Variants in TACC2 observed in about 807,000 individuals in gnomAD.
TACC2 encodes transforming acidic coiled-coil containing protein 2, also known as transforming acidic coiled-coil-containing protein 2.
TACC2 carries 137 observed loss-of-function variants against 227.3 expected under a neutral mutation model. That is an observed-to-expected ratio of 0.60 (90% CI 0.52 to 0.69). TACC2 has a LOEUF of 0.69. Among genes scored for constraint, TACC2 ranks in the 30% least tolerant of loss-of-function variants. The probability of loss-of-function intolerance (pLI) is 0.00; values close to 1 mark genes in which losing one functional copy is unlikely to be tolerated. For synonymous variants in TACC2, 1,523 were observed against 1,487.5 expected, an observed-to-expected ratio of 1.02 and a Z score of -0.55; for missense variants, 3,470 against 3,694.4, an observed-to-expected ratio of 0.94 and a Z score of 1.57.
At chr10:122,223,863 A>G (rs2095570504) in intron 11 of TACC2, among the ~76,000 whole-genome samples, 1 of 152,312 alleles carries the variant, frequency 6.6e-6, no homozygotes, top group Non-Finnish European at 1.5e-5. Context: ...TTTTAAGTAG[A>G]AAAGAGGTAT....
chr10:122,045,304 G>A (rs111748813), intron 2 of TACC2, among the ~76,000 whole-genome samples: 1,596 of 152,280 alleles, frequency 0.01, 31 homozygotes, highest in African/African-American at 0.036. Flanking sequence ...AATGGCAGAG[G>A]CCATAGAGCA....
At chr10:122,045,784 TG>T (rs1202210811) in intron 2 of TACC2, among the ~76,000 whole-genome samples, 14 of 152,246 alleles carry the variant, frequency 9.2e-5, no homozygotes, top group African/African-American at 2.9e-4. Context: ...AAGTGCAATG[TG>T]CCATTCATAC....
chr10:122,087,564 G>T lies in TACC2; in HGVS notation c.5064G>T (p.Val1688=). 1 of 1,613,788 alleles carries T rather than the reference G, an allele frequency of 6.2e-7. No homozygotes were observed. The highest frequency in any genetic ancestry group is 1.3e-5 in the African/African-American group (1 of 75,068). Residue 1688 remains valine (V), a synonymous_variant, in exon 4 of 23, where the codon GTG becomes GTT. Coordinates refer to ENST00000369005, the MANE Select transcript of TACC2 (RefSeq NM_206862.4). The stretch of plus-strand genomic sequence containing the variant: ...CCCCTGCACCACCAACTGGAGAAGT[G>T]GCAGACACTCCCCTGGAGCCTGGCA... ...QSTPAPPTGE[V]ADTPLEPGKV...
At chr10:122,089,285 G>A (rs981289484) in intron 5 of TACC2, among the ~76,000 whole-genome samples, 1 of 151,844 alleles carries the variant, frequency 6.6e-6, no homozygotes, top group Admixed American at 6.6e-5. Context: ...TCATACCCCA[G>A]CCCCCACACC....
chr10:122,088,559 A>C lies in TACC2; in HGVS notation c.5541A>C (p.Ser1847=). 1 of 1,613,750 alleles carries C rather than the reference A, an allele frequency of 6.2e-7. No homozygotes were observed. Among genetic ancestry groups the C allele is most frequent in the Non-Finnish European group, 8.5e-7 (1 of 1,179,880 alleles). Residue 1847 remains serine (S), a synonymous_variant, in exon 5 of 23, where the codon TCA becomes TCC. Transcript: ENST00000369005. ...CAAGAGTCATGGATAAAGTCACTTC[A>C]GATGAGACCAGAGGTGCGGAAGGAA... ...DAPRVMDKVT[S]DETRGAEGTE...
chr10:122,123,809 A>ATTT (rs55702616), intron 5 of TACC2, among the ~76,000 whole-genome samples: 5 of 98,538 alleles, frequency 5.1e-5, no homozygotes, highest in African/African-American at 1.1e-4. Flanking sequence ...CTGTAGAGTC[A>ATTT]TTTTTTTTTT....
chr10:122,152,493 C>T (rs1410592435), intron 7 of TACC2, among the ~76,000 whole-genome samples: 3 of 152,212 alleles, frequency 2.0e-5, no homozygotes, highest in Admixed American at 2.0e-4. Flanking sequence ...CCATATGTGT[C>T]CACGATTGGC....
At chr10:121,992,036 A>C (rs1335071809) in intron 1 of TACC2, among the ~76,000 whole-genome samples, 1 of 152,204 alleles carries the variant, frequency 6.6e-6, no homozygotes. Flanking sequence ...CCCATGATTC[A>C]ATTACCTCCC....
rs533783873 is a variant in TACC2 at position 122,136,190 on chromosome 10, C to CA, written c.5699+3456_5699+3457insA. 2.3e-3 allele frequency among the ~76,000 whole-genome samples: 348 copies of CA among 152,302 alleles called. 2 individuals are homozygous for CA. The highest frequency in any genetic ancestry group is 9.3e-3 in the East Asian group (48 of 5,184). ...CTCTAGAGGCAATAATTCAGTGTCT[C>CA]CTAATTCAGGGTTCATGGCGACTTG... is the stretch of plus-strand genomic sequence containing the variant. On this transcript the variant is annotated intron_variant, in intron 6 of 22. Coordinates refer to ENST00000369005, the MANE Select transcript of TACC2 (RefSeq NM_206862.4).
chr10:122,037,080 G>A (rs1960639840), intron 2 of TACC2, among the ~76,000 whole-genome samples: 1 of 152,184 alleles, frequency 6.6e-6, no homozygotes. Context: ...GTGTACTAAG[G>A]AGACAGCCAC....
chr10:122,043,756 T>A (rs1361742902), intron 2 of TACC2, among the ~76,000 whole-genome samples: 1 of 152,150 alleles, frequency 6.6e-6, no homozygotes, highest in Non-Finnish European at 1.5e-5. Context: ...ATTTTTGTAC[T>A]TTTAGTAGAG....
intron 3 of TACC2, 105 bp from the exon 4 acceptor site, chr10:122,082,542 G>A (rs1591799929): frequency 4.7e-6 from 6 of 1,279,296 alleles, no homozygotes; most frequent in Middle Eastern, 4.6e-4. Flanking sequence ...CTGTGGTTAG[G>A]GCACTTGATG....
chr10:122,033,017 A>G (rs1485372535), intron 2 of TACC2: 1 of 939,102 alleles, frequency 1.1e-6, no homozygotes, highest in African/African-American at 1.7e-5. Context: ...AAAAAACCCC[A>G]CAAAAACACC....
chr10:122,056,752 G>A (rs545237205), intron 3 of TACC2, among the ~76,000 whole-genome samples: 2 of 152,310 alleles, frequency 1.3e-5, no homozygotes, highest in East Asian at 3.9e-4. Context: ...GGAAGTGAGT[G>A]CAGACCCAGG....
At chr10:122,009,596 CA>C (rs1955673776) in intron 1 of TACC2, among the ~76,000 whole-genome samples, 1 of 152,132 alleles carries the variant, frequency 6.6e-6, no homozygotes, top group African/African-American at 2.4e-5. Flanking sequence ...TGGTACTTAA[CA>C]AAGTCTTATT....
At chr10:122,056,792 G>A (rs2076253588) in intron 3 of TACC2, among the ~76,000 whole-genome samples, 1 of 152,206 alleles carries the variant, frequency 6.6e-6, no homozygotes, top group East Asian at 1.9e-4. Context: ...CAAGGTATGA[G>A]GAGTGGCGCC....
At chr10:122,090,606 A>G (rs1040980311) in intron 5 of TACC2, among the ~76,000 whole-genome samples, 4 of 151,720 alleles carry the variant, frequency 2.6e-5, no homozygotes, top group African/African-American at 9.7e-5. Flanking sequence ...AAAATTCACA[A>G]CCACAATACC....
At chr10:122,091,031 T>TA (rs1353043363) in intron 5 of TACC2, among the ~76,000 whole-genome samples, 1 of 152,202 alleles carries the variant, frequency 6.6e-6, no homozygotes, top group Non-Finnish European at 1.5e-5. Flanking sequence ...TGAGCCACCA[T>TA]ACTCAGCCTA....
At position 122,254,096 on chromosome 10, in the gene TACC2, T is replaced by C. The variant is rs2096298228; in HGVS notation, c.*40T>C. On this transcript the variant is annotated 3_prime_UTR_variant, in exon 23 of 23. Transcript: ENST00000369005. Reference sequence around the variant, plus strand: ...TTTTGGACTTAACTGTTGCGTGCAATATGACCGTCGGCACACTGCTGTTCC... The same window carrying C: ...TTTTGGACTTAACTGTTGCGTGCAACATGACCGTCGGCACACTGCTGTTCC... The C allele has an allele frequency of 6.4e-7, 1 of 1,557,652 alleles. No individual in the cohort carries two copies. Among genetic ancestry groups the C allele is most frequent in the Non-Finnish European group, 8.9e-7 (1 of 1,128,640 alleles).
Sources: allele counts gnomAD v4.1 joint callset (sites outside exome capture counted in the v4.1 genomes callset), GRCh38; gene constraint gnomAD v4.1.1; transcripts MANE v1.5; gene names NCBI Gene and HGNC (gene_info 2026-07-23, HGNC 2026-07-21).